The following PTPRD variants were observed in gnomAD, a reference collection of about 807,000 sequenced individuals.
The protein encoded by PTPRD is protein tyrosine phosphatase receptor type D.
A neutral mutation model predicts 214.5 loss-of-function variants in PTPRD; 34 were observed. The observed-to-expected ratio is 0.16, with a 90% confidence interval of 0.12 to 0.21. The LOEUF is 0.21. Among genes scored for constraint, PTPRD ranks in the 10% least tolerant of loss-of-function variants. PTPRD has a pLI of 1.00. For missense variants in PTPRD, 2,545 were observed against 2,398.7 expected, an observed-to-expected ratio of 1.06 and a Z score of -1.27; for synonymous variants, 1,128 against 845.7, an observed-to-expected ratio of 1.33 and a Z score of -5.79.
intron 3 of PTPRD, among the ~76,000 whole-genome samples, chr9:10,327,978 G>T (rs182373300): frequency 9.6e-4 from 145 of 151,788 alleles, no homozygotes; most frequent in African/African-American, 3.2e-3. Flanking sequence ...TATCCTGTCT[G>T]TAGGTTGGGA....
intron 3 of PTPRD, among the ~76,000 whole-genome samples, chr9:10,229,142 C>G (rs967423162): frequency 1.3e-4 from 19 of 151,978 alleles, no homozygotes; most frequent in Non-Finnish European, 2.4e-4. Context: ...CAAATCAAAA[C>G]CACAATGAGA....
At position 8,889,277 on chromosome 9, in the gene PTPRD, T is replaced by TAGAG. The variant is rs543073320; in HGVS notation, c.-104+129416_-104+129419dup. Among the ~76,000 whole-genome samples, 158 of 151,454 alleles carry TAGAG rather than the reference T, an allele frequency of 1.0e-3. 1 individual carries two copies. Among genetic ancestry groups the TAGAG allele is most frequent in the African/African-American group, 3.7e-3 (151 of 41,274 alleles). On this transcript the variant is annotated intron_variant, in intron 11 of 45. Transcript: ENST00000381196. ...GAGTGAGAAAGAGAATGAGAGAGAG[T>TAGAG]AGAGAGAGAAAGAGAGAGAAATTGC...
intron 2 of PTPRD, among the ~76,000 whole-genome samples, chr9:10,608,329 C>A (rs1462701713): frequency 6.6e-6 from 1 of 151,930 alleles, no homozygotes; most frequent in Non-Finnish European, 1.5e-5. Flanking sequence ...CTCTCAGTGG[C>A]AGCAGCATAG....
chr9:9,826,467 GTTATT>G (rs1467318935), intron 5 of PTPRD, among the ~76,000 whole-genome samples: 1 of 151,794 alleles, frequency 6.6e-6, no homozygotes, highest in Non-Finnish European at 1.5e-5. Context: ...CAGTCATATG[GTTATT>G]TTGAGTATGA....
intron 10 of PTPRD, among the ~76,000 whole-genome samples, chr9:9,042,078 G>A (rs770666952): frequency 3.9e-5 from 6 of 152,118 alleles, no homozygotes; most frequent in Admixed American, 6.5e-5. Context: ...TGGCTATTGT[G>A]ACTAGACCTA....
At chr9:9,167,109 A>T (rs1417618218) in intron 10 of PTPRD, among the ~76,000 whole-genome samples, 11 of 152,146 alleles carry the variant, frequency 7.2e-5, no homozygotes, top group Admixed American at 7.2e-4. Flanking sequence ...AGTGGACCTG[A>T]TATTCAAAAC....
At chr9:10,192,535 A>G (rs1042994841) in intron 3 of PTPRD, among the ~76,000 whole-genome samples, 3 of 150,860 alleles carry the variant, frequency 2.0e-5, no homozygotes, top group African/African-American at 7.3e-5. Context: ...CCAACAACTT[A>G]GTGGTTTCAA....
intron 26 of PTPRD, among the ~76,000 whole-genome samples, chr9:8,496,490 C>T (rs1259799089): frequency 1.3e-5 from 2 of 152,152 alleles, no homozygotes; most frequent in Non-Finnish European, 2.9e-5. Flanking sequence ...CTTGCAGTGG[C>T]ATATACATAA....
At chr9:8,913,162 T>C (rs2098759764) in intron 11 of PTPRD, among the ~76,000 whole-genome samples, 1 of 152,100 alleles carries the variant, frequency 6.6e-6, no homozygotes, top group Non-Finnish European at 1.5e-5. Flanking sequence ...GACTTGAACA[T>C]TACCTGGCAC....
chr9:9,802,051 T>C (rs960754327), intron 5 of PTPRD, among the ~76,000 whole-genome samples: 1 of 152,100 alleles, frequency 6.6e-6, no homozygotes, highest in Non-Finnish European at 1.5e-5. Context: ...CATTTCAAAT[T>C]GAATGTGTTT....
intron 3 of PTPRD, among the ~76,000 whole-genome samples, chr9:10,268,741 A>G (rs1229490753): frequency 1.3e-5 from 2 of 152,296 alleles, no homozygotes; most frequent in East Asian, 1.9e-4. Context: ...TTTAACCACA[A>G]TGTTGAACAA....
At chr9:10,208,455 A>G (rs547819716) in intron 3 of PTPRD, among the ~76,000 whole-genome samples, 1 of 152,328 alleles carries the variant, frequency 6.6e-6, no homozygotes, top group Non-Finnish European at 1.5e-5. Flanking sequence ...CGGAGCTTGC[A>G]GTGAACGGAG....
At chr9:10,158,287 C>T (rs971572134) in intron 3 of PTPRD, among the ~76,000 whole-genome samples, 5 of 152,114 alleles carry the variant, frequency 3.3e-5, no homozygotes, top group Admixed American at 2.0e-4. Flanking sequence ...GGGTTACAGG[C>T]GTGAGCCACT....
intron 11 of PTPRD, among the ~76,000 whole-genome samples, chr9:8,873,439 T>C (rs933494390): frequency 2.0e-5 from 3 of 152,186 alleles, no homozygotes; most frequent in Non-Finnish European, 4.4e-5. Context: ...TTGAAGAGGA[T>C]TGATTTCCCG....
At chr9:9,524,452 C>G (rs1385939483) in intron 8 of PTPRD, among the ~76,000 whole-genome samples, 1 of 152,134 alleles carries the variant, frequency 6.6e-6, no homozygotes, top group Non-Finnish European at 1.5e-5. Flanking sequence ...ACTAATAATG[C>G]AAATTTTCTA....
intron 5 of PTPRD, among the ~76,000 whole-genome samples, chr9:9,835,517 C>T (rs1467506463): frequency 6.6e-6 from 1 of 152,092 alleles, no homozygotes; most frequent in Admixed American, 6.6e-5. Context: ...AAGAAAGAAA[C>T]TCCCAAATGA....
At chr9:8,427,483 G>A (rs1465386245) in intron 35 of PTPRD, among the ~76,000 whole-genome samples, 2 of 152,006 alleles carry the variant, frequency 1.3e-5, no homozygotes, top group South Asian at 2.1e-4. Context: ...TGTGCCGAGC[G>A]GTGAGCTTGT....
intron 26 of PTPRD, among the ~76,000 whole-genome samples, chr9:8,494,280 C>A (rs10815888): frequency 0.18 from 27,997 of 151,916 alleles, 2,781 homozygotes; most frequent in Non-Finnish European, 0.22. Context: ...CATGCTTTCT[C>A]AAAAGAGTAG....
chr9:9,447,173 C>T (rs375825945), intron 8 of PTPRD, among the ~76,000 whole-genome samples: 1 of 152,088 alleles, frequency 6.6e-6, no homozygotes, highest in Non-Finnish European at 1.5e-5. Flanking sequence ...GAGTATATAC[C>T]CAAAGGAATA....
Sources: allele counts gnomAD v4.1 joint callset (sites outside exome capture counted in the v4.1 genomes callset), GRCh38; gene constraint gnomAD v4.1.1; transcripts MANE v1.5; gene names NCBI Gene and HGNC (gene_info 2026-07-23, HGNC 2026-07-21).